LARGE1: variants seen among roughly 807,000 people sequenced by gnomAD.
The protein encoded by LARGE1 is LARGE xylosyl- and glucuronyltransferase 1, also known as xylosyl- and glucuronyltransferase LARGE1.
In LARGE1, 43 loss-of-function variants were observed where a neutral mutation model predicts 87.6. The observed-to-expected ratio is 0.49, with a 90% CI of 0.38 to 0.63. The LOEUF (loss-of-function observed/expected upper bound fraction) is 0.63, where lower values mean the gene tolerates loss of function less well. Ranked by LOEUF, LARGE1 falls within the 30% of genes least tolerant of loss-of-function variation. The pLI is 0.00. For missense variants in LARGE1, 802 were observed against 1,000.2 expected, an observed-to-expected ratio of 0.80 and a Z score of 2.67; for synonymous variants, 434 against 394.6, an observed-to-expected ratio of 1.10 and a Z score of -1.18.
chr22:33,472,012 T>C (rs1448502721), intron 6 of LARGE1, among the ~76,000 whole-genome samples: 1 of 152,012 alleles, frequency 6.6e-6, no homozygotes, highest in South Asian at 2.1e-4. Flanking sequence ...ATCACACCAC[T>C]GCACTCCAGC....
chr22:33,684,049 C>A (rs1311293918), intron 2 of LARGE1, among the ~76,000 whole-genome samples: 1 of 152,090 alleles, frequency 6.6e-6, no homozygotes, highest in East Asian at 1.9e-4. Context: ...GGAGAGTAAA[C>A]CATTCTGAGA....
intron 6 of LARGE1, among the ~76,000 whole-genome samples, chr22:33,497,435 T>A (rs5749620): frequency 6.6e-6 from 1 of 151,932 alleles, no homozygotes; most frequent in South Asian, 2.1e-4. Context: ...CACTATAAAC[T>A]AGGGACAAAA....
At chr22:33,148,765 A>G in the LARGE1 span, among the ~76,000 whole-genome samples, 1 of 152,056 alleles carries the variant, frequency 6.6e-6, no homozygotes, top group Non-Finnish European at 1.5e-5. Flanking sequence ...TATTTTAGCT[A>G]TTCTGGTAGG....
chr22:33,297,550 T>C (rs1481073870), intron 12 of LARGE1, among the ~76,000 whole-genome samples: 1 of 149,842 alleles, frequency 6.7e-6, no homozygotes. Flanking sequence ...GGGGCAGAGG[T>C]TGCAGTGAGC....
chr22:33,649,406 A>C (rs947652356), intron 3 of LARGE1, among the ~76,000 whole-genome samples: 1 of 152,266 alleles, frequency 6.6e-6, no homozygotes, highest in Non-Finnish European at 1.5e-5. Context: ...AAATGGAATA[A>C]AGAAACAGCA....
the LARGE1 span, among the ~76,000 whole-genome samples, chr22:33,113,180 A>G: frequency 6.6e-6 from 1 of 150,444 alleles, no homozygotes; most frequent in Non-Finnish European, 1.5e-5. Context: ...CTAGAGCCTT[A>G]TGTATATTTA....
At chr22:33,834,092 C>T (rs534271563) in intron 1 of LARGE1, among the ~76,000 whole-genome samples, 1 of 152,142 alleles carries the variant, frequency 6.6e-6, no homozygotes, top group South Asian at 2.1e-4. Flanking sequence ...GGTAATAAAG[C>T]CTGACTCCTT....
intron 11 of LARGE1, among the ~76,000 whole-genome samples, chr22:33,203,085 C>CTGTG (rs1226941470): frequency 4.6e-4 from 68 of 149,228 alleles, no homozygotes; most frequent in African/African-American, 1.4e-3. Flanking sequence ...CTCTCTCTCT[C>CTGTG]TCTCTCTCTC....
intron 11 of LARGE1, among the ~76,000 whole-genome samples, chr22:33,192,581 A>T (rs933261574): frequency 6.6e-6 from 1 of 152,194 alleles, no homozygotes; most frequent in East Asian, 1.9e-4. Flanking sequence ...CTCTCATCAG[A>T]TGTACAGTTA....
At chr22:33,502,004 T>C (rs1254698611) in intron 6 of LARGE1, among the ~76,000 whole-genome samples, 1 of 151,730 alleles carries the variant, frequency 6.6e-6, no homozygotes, top group African/African-American at 2.4e-5. Flanking sequence ...ACTAGCCTGG[T>C]CAACGTGGTG....
the LARGE1 span, among the ~76,000 whole-genome samples, chr22:33,078,854 G>A: frequency 7.9e-5 from 12 of 152,304 alleles, no homozygotes; most frequent in African/African-American, 2.4e-4. Flanking sequence ...GGTTAGAGGC[G>A]AGGTCAGGGC....
downstream of LARGE1, among the ~76,000 whole-genome samples, chr22:33,270,112 T>C (rs539685473): frequency 1.1e-4 from 17 of 152,078 alleles, no homozygotes; most frequent in African/African-American, 3.6e-4. Flanking sequence ...CCCCATTACC[T>C]CCTTTTGGAT....
the LARGE1 span, among the ~76,000 whole-genome samples, chr22:33,069,185 G>A: frequency 2.0e-5 from 3 of 152,060 alleles, no homozygotes; most frequent in East Asian, 1.9e-4. Context: ...CCATTTAGAC[G>A]CCATTCCTCA....
chr22:33,198,650 C>CACACACAT (rs1166087795), intron 11 of LARGE1, among the ~76,000 whole-genome samples: 1 of 139,278 alleles, frequency 7.2e-6, no homozygotes, highest in African/African-American at 2.9e-5. Context: ...CACACACACA[C>CACACACAT]ACACACACAC....
At chr22:33,353,557 G>C (rs1353415924) in intron 9 of LARGE1, among the ~76,000 whole-genome samples, 1 of 152,172 alleles carries the variant, frequency 6.6e-6, no homozygotes, top group African/African-American at 2.4e-5. Flanking sequence ...TGAATTACAT[G>C]GGAGATTTGC....
intron 1 of LARGE1, among the ~76,000 whole-genome samples, chr22:33,918,763 C>T (rs898831091): frequency 2.6e-5 from 4 of 152,102 alleles, no homozygotes; most frequent in Non-Finnish European, 5.9e-5. Flanking sequence ...AAAATTAACC[C>T]GAGGTGACTG....
intron 9 of LARGE1, among the ~76,000 whole-genome samples, chr22:33,343,752 G>T (rs569488934): frequency 6.6e-6 from 1 of 152,168 alleles, no homozygotes; most frequent in African/African-American, 2.4e-5. Context: ...ACTAGCCCAG[G>T]GTCACTAAGT....
chr22:33,347,652 C>T (rs1289080874), intron 9 of LARGE1, among the ~76,000 whole-genome samples: 1 of 152,138 alleles, frequency 6.6e-6, no homozygotes, highest in Non-Finnish European at 1.5e-5. Context: ...GGGATTATGA[C>T]ACATGAGAGA....
chr22:33,252,899 T>G (rs1264651852), intron 11 of LARGE1, among the ~76,000 whole-genome samples: 1 of 152,218 alleles, frequency 6.6e-6, no homozygotes, highest in Non-Finnish European at 1.5e-5. Flanking sequence ...GTCATCATGG[T>G]CTTTGACCAA....
Sources: gnomAD v4.1 joint callset for allele counts (sites outside exome capture counted in the v4.1 genomes callset) on GRCh38, gnomAD v4.1.1 for gene constraint, MANE v1.5 for transcripts, NCBI Gene and HGNC (gene_info 2026-07-23, HGNC 2026-07-21) for gene names.